Variants in ARK2C observed in about 807,000 individuals in gnomAD.
ARK2C encodes E3 ubiquitin-protein ligase ARK2C.
chr18:46,451,899 C>G, the ARK2C span, among the ~76,000 whole-genome samples: 2 of 152,030 alleles, frequency 1.3e-5, no homozygotes, highest in Non-Finnish European at 2.9e-5. Flanking sequence ...AGAAGTTAGC[C>G]CAAAATGGCT....
the ARK2C span, among the ~76,000 whole-genome samples, chr18:46,338,464 A>G: frequency 1.3e-5 from 2 of 152,178 alleles, no homozygotes; most frequent in African/African-American, 2.4e-5. Flanking sequence ...TGCTTCATCT[A>G]CGGCCCTAGG....
At chr18:46,443,555 G>A in the ARK2C span, among the ~76,000 whole-genome samples, 3 of 152,098 alleles carry the variant, frequency 2.0e-5, no homozygotes, top group African/African-American at 7.2e-5. Flanking sequence ...GCAAATTATG[G>A]CCTGTGAATC....
chr18:46,334,782 T>G, the ARK2C span: 4 of 272,498 alleles, frequency 1.5e-5, no homozygotes, highest in Non-Finnish European at 2.0e-5. The surrounding 1 kb of genome is among the most constrained non-coding windows in gnomAD (Gnocchi z 4.4). Context: ...TTTTGAGGTA[T>G]ATGTGTGTTT....
the ARK2C span, among the ~76,000 whole-genome samples, chr18:46,423,974 C>T: frequency 1.3e-5 from 2 of 152,198 alleles, no homozygotes; most frequent in Non-Finnish European, 2.9e-5. Context: ...TCATTATCCT[C>T]CTGTCTCAGA....
At chr18:46,432,967 TAAA>T in the ARK2C span, among the ~76,000 whole-genome samples, 2 of 150,512 alleles carry the variant, frequency 1.3e-5, no homozygotes, top group African/African-American at 5.0e-5. Flanking sequence ...AATAAATAAA[TAAA>T]AAATAAAGAT....
chr18:46,355,170 C>T, the ARK2C span, among the ~76,000 whole-genome samples: 2 of 152,058 alleles, frequency 1.3e-5, no homozygotes, highest in African/African-American at 4.8e-5. Context: ...CCAGGTTGGT[C>T]TGGAACTCCT....
the ARK2C span, among the ~76,000 whole-genome samples, chr18:46,345,146 C>T: frequency 1.3e-4 from 20 of 152,190 alleles, no homozygotes; most frequent in Admixed American, 3.9e-4. Flanking sequence ...CCACCTGCCA[C>T]GGAACCAGAG....
the ARK2C span, among the ~76,000 whole-genome samples, chr18:46,389,233 A>G: frequency 6.6e-6 from 1 of 152,240 alleles, no homozygotes; most frequent in African/African-American, 2.4e-5. Flanking sequence ...AGTTAAGTGC[A>G]CGAGCATTTA....
At chr18:46,422,300 C>T in the ARK2C span, among the ~76,000 whole-genome samples, 1 of 152,212 alleles carries the variant, frequency 6.6e-6, no homozygotes, top group Non-Finnish European at 1.5e-5. Context: ...TCCCAAGCAC[C>T]CTGCCTCTGA....
chr18:46,396,868 G>A, the ARK2C span, among the ~76,000 whole-genome samples: 1 of 152,198 alleles, frequency 6.6e-6, no homozygotes, highest in South Asian at 2.1e-4. Flanking sequence ...CATGACGTGG[G>A]TTGGGTGGAT....
chr18:46,341,027 T>C, the ARK2C span, among the ~76,000 whole-genome samples: 2 of 151,304 alleles, frequency 1.3e-5, no homozygotes, highest in East Asian at 3.9e-4. Context: ...GAGGGAAGAG[T>C]GTGTGTTGAT....
At chr18:46,440,101 T>C in the ARK2C span, among the ~76,000 whole-genome samples, 3 of 152,162 alleles carry the variant, frequency 2.0e-5, no homozygotes, top group African/African-American at 4.8e-5. Flanking sequence ...GTGCTGGGAT[T>C]ACAGGCGTGA....
the ARK2C span, among the ~76,000 whole-genome samples, chr18:46,429,434 A>G: frequency 6.6e-6 from 1 of 152,186 alleles, no homozygotes; most frequent in Non-Finnish European, 1.5e-5. Context: ...ATAAATTACC[A>G]AGCAAATTTA....
At chr18:46,373,641 T>C in the ARK2C span, among the ~76,000 whole-genome samples, 1 of 152,208 alleles carries the variant, frequency 6.6e-6, no homozygotes, top group Non-Finnish European at 1.5e-5. Context: ...CCACACTGGC[T>C]CCTCGGGCTC....
the ARK2C span, among the ~76,000 whole-genome samples, chr18:46,362,574 T>G: frequency 5.7e-4 from 87 of 152,338 alleles, no homozygotes; most frequent in African/African-American, 2.0e-3. Flanking sequence ...AAATAGATAG[T>G]GGCACAGCCA....
chr18:46,359,459 G>C, the ARK2C span, among the ~76,000 whole-genome samples: 1 of 152,170 alleles, frequency 6.6e-6, no homozygotes, highest in East Asian at 1.9e-4. Flanking sequence ...AGAAAAAAGG[G>C]TTCTCAGCAG....
the ARK2C span, among the ~76,000 whole-genome samples, chr18:46,420,345 G>A: frequency 1.3e-5 from 2 of 152,288 alleles, no homozygotes; most frequent in African/African-American, 4.8e-5. Flanking sequence ...AATTCTCCCA[G>A]GAGAAATGGG....
the ARK2C span, among the ~76,000 whole-genome samples, chr18:46,383,286 A>T: frequency 6.6e-6 from 1 of 152,260 alleles, no homozygotes; most frequent in Non-Finnish European, 1.5e-5. Flanking sequence ...AAATGTGAAA[A>T]ATACAATTTT....
At chr18:46,423,857 C>T in the ARK2C span, among the ~76,000 whole-genome samples, 1 of 152,172 alleles carries the variant, frequency 6.6e-6, no homozygotes, top group Non-Finnish European at 1.5e-5. Flanking sequence ...TCATCCTTAC[C>T]TGTTCTAAAA....
Sources: allele counts gnomAD v4.1 joint callset (sites outside exome capture counted in the v4.1 genomes callset), GRCh38; gene constraint gnomAD v4.1.1; non-coding constraint Gnocchi (gnomAD v3.1); transcripts MANE v1.5; gene names NCBI Gene and HGNC (gene_info 2026-07-23, HGNC 2026-07-21).